The following GALNT14 variants were observed in gnomAD, a reference collection of about 807,000 sequenced individuals.
GALNT14 encodes polypeptide N-acetylgalactosaminyltransferase 14.
A neutral mutation model predicts 77.5 loss-of-function variants in GALNT14; 60 were observed. The ratio of observed to expected loss-of-function variants is 0.77; its 90% CI spans 0.63 to 0.96. GALNT14 has a LOEUF of 0.96. Ranked by LOEUF, GALNT14 falls within the 40% of genes least tolerant of loss-of-function variation. The pLI, the probability that GALNT14 is intolerant of heterozygous loss-of-function variation, is 0.00. For missense variants in GALNT14, 710 were observed against 731.0 expected, an observed-to-expected ratio of 0.97 and a Z score of 0.33; for synonymous variants, 280 against 281.7, an observed-to-expected ratio of 0.99 and a Z score of 0.06.
At chr2:30,971,975 G>A (rs1346931722) in intron 2 of GALNT14, among the ~76,000 whole-genome samples, 2 of 152,222 alleles carry the variant, frequency 1.3e-5, no homozygotes, top group Non-Finnish European at 2.9e-5. Flanking sequence ...CAGTGCTTCC[G>A]TGGCTTGTCT....
At chr2:31,137,492 C>T (rs900403895) in intron 1 of GALNT14, among the ~76,000 whole-genome samples, 4 of 152,176 alleles carry the variant, frequency 2.6e-5, no homozygotes, top group African/African-American at 7.2e-5. Context: ...CCGCAACGCA[C>T]AGGCGCGCGC....
At chr2:30,893,992 T>A in the GALNT14 span, among the ~76,000 whole-genome samples, 4 of 152,164 alleles carry the variant, frequency 2.6e-5, no homozygotes, top group Admixed American at 2.6e-4. Context: ...CTCATGTTTT[T>A]TAAATTAGAT....
rs1211591708 is a variant in GALNT14 at position 31,137,940 on chromosome 2, C to T, written c.129+18G>A. Reference sequence around the variant, plus strand: ...CGCAAGCCACCGCTCAGCGCCAGCGCGCCGGCAAGCCGCCTACCTTAGGGG... The same window carrying T: ...CGCAAGCCACCGCTCAGCGCCAGCGTGCCGGCAAGCCGCCTACCTTAGGGG... On this transcript the variant is annotated intron_variant, in intron 1 of 14. Coordinates refer to ENST00000349752, the MANE Select transcript of GALNT14 (RefSeq NM_024572.4). 2.5e-6 allele frequency: 4 copies of T among 1,602,028 alleles called. No individual in the cohort carries two copies. In the Admixed American group the frequency reaches 5.1e-5, roughly 21 times the overall value.
chr2:31,110,988 T>C (rs867455650), intron 1 of GALNT14, among the ~76,000 whole-genome samples: 5 of 152,192 alleles, frequency 3.3e-5, no homozygotes, highest in Non-Finnish European at 5.9e-5. Context: ...CTCAATCAGG[T>C]ACCCCACTTG....
chr2:30,927,675 A>G (rs750485535), intron 11 of GALNT14, among the ~76,000 whole-genome samples: 3 of 152,182 alleles, frequency 2.0e-5, no homozygotes, highest in Non-Finnish European at 4.4e-5. Context: ...AGTTGATGTC[A>G]TCTATTTCAT....
chr2:31,022,345 G>A (rs1573180977), intron 1 of GALNT14, among the ~76,000 whole-genome samples: 1 of 152,326 alleles, frequency 6.6e-6, no homozygotes, highest in African/African-American at 2.4e-5. Context: ...GGGGATGGTG[G>A]GATGCTGGGC....
chr2:31,010,308 C>T (rs996212069), intron 1 of GALNT14, among the ~76,000 whole-genome samples: 9 of 152,212 alleles, frequency 5.9e-5, no homozygotes, highest in Non-Finnish European at 8.8e-5. Flanking sequence ...TTCTTAAAAA[C>T]GACATCTGTG....
chr2:31,014,028 A>G (rs143861225), intron 1 of GALNT14, among the ~76,000 whole-genome samples: 55 of 152,368 alleles, frequency 3.6e-4, no homozygotes, highest in Non-Finnish European at 6.2e-4. Context: ...CTCAAGACCT[A>G]TGCTCTGACA....
At chr2:31,088,111 G>C (rs1278570039) in intron 1 of GALNT14, among the ~76,000 whole-genome samples, 1 of 152,190 alleles carries the variant, frequency 6.6e-6, no homozygotes, top group African/African-American at 2.4e-5. Context: ...ATGGTATTCT[G>C]TTATAGCAGC....
chr2:31,112,599 A>G (rs1677898994), intron 1 of GALNT14, among the ~76,000 whole-genome samples: 1 of 152,216 alleles, frequency 6.6e-6, no homozygotes, highest in Non-Finnish European at 1.5e-5. Flanking sequence ...GTCATATTCC[A>G]GTCCTTCTCA....
At chr2:31,083,958 G>A (rs906037714) in intron 1 of GALNT14, among the ~76,000 whole-genome samples, 4 of 152,158 alleles carry the variant, frequency 2.6e-5, no homozygotes, top group South Asian at 2.1e-4. Flanking sequence ...CGGGGATCTC[G>A]CGGTTTTCTC....
chr2:30,895,153 A>G, the GALNT14 span, among the ~76,000 whole-genome samples: 1 of 152,236 alleles, frequency 6.6e-6, no homozygotes, highest in Non-Finnish European at 1.5e-5. Context: ...GAGCAGCTGC[A>G]TCTTGAAGAC....
At chr2:31,075,121 G>T (rs1055628044) in intron 1 of GALNT14, among the ~76,000 whole-genome samples, 3 of 152,210 alleles carry the variant, frequency 2.0e-5, no homozygotes, top group Non-Finnish European at 2.9e-5. Flanking sequence ...AGATCTGGTT[G>T]TTTAAAAGAG....
rs190245749 is a variant in GALNT14 at position 31,116,726 on chromosome 2, T to G, written c.129+21232A>C. On this transcript the variant is annotated intron_variant, in intron 1 of 14. Coordinates refer to ENST00000349752, the MANE Select transcript of GALNT14 (RefSeq NM_024572.4). ...AGAATATTTATCTAATACATATATA[T>G]AGAGAGAACTATATAACCATCAAAT... Among the ~76,000 whole-genome samples the G allele has an allele frequency of 1.8e-3, 274 of 152,206 alleles. 1 individual carries two copies. Among genetic ancestry groups the G allele is most frequent in the Middle Eastern group, 6.8e-3 (2 of 294 alleles).
At chr2:31,053,420 C>T (rs1674014706) in intron 1 of GALNT14, among the ~76,000 whole-genome samples, 1 of 152,148 alleles carries the variant, frequency 6.6e-6, no homozygotes, top group African/African-American at 2.4e-5. Context: ...AAGTGGGACT[C>T]TTCTCAAACC....
intron 13 of GALNT14, among the ~76,000 whole-genome samples, chr2:30,920,142 C>A (rs1394703975): frequency 6.6e-6 from 1 of 152,200 alleles, no homozygotes; most frequent in Admixed American, 6.5e-5. Context: ...CCAGCCCTGA[C>A]TCTCCAGCAT....
intron 1 of GALNT14, among the ~76,000 whole-genome samples, chr2:31,026,720 C>T (rs968593804): frequency 1.3e-5 from 2 of 152,240 alleles, no homozygotes; most frequent in African/African-American, 4.8e-5. Context: ...AGTTTCCCCA[C>T]TGACCTGGGT....
chr2:31,027,643 A>C lies in GALNT14; in HGVS notation c.130-34636T>G, dbSNP rs550771834. 7.9e-5 allele frequency among the ~76,000 whole-genome samples: 12 copies of C among 152,284 alleles called. No homozygotes were observed. In the South Asian group the frequency reaches 2.5e-3, roughly 32 times the overall value. On this transcript the variant is annotated intron_variant, in intron 1 of 14. Coordinates refer to ENST00000349752, the MANE Select transcript of GALNT14 (RefSeq NM_024572.4). ...CAGGGGAGTGATATTAGCATGTCCC[A>C]AGAATTCCTTTCAGGATTAGTACAT...
intron 1 of GALNT14, among the ~76,000 whole-genome samples, chr2:30,998,797 C>G (rs1228424578): frequency 5.3e-5 from 8 of 152,200 alleles, no homozygotes. Context: ...ATGTTCTTTG[C>G]CATTAGGCAG....
Sources: allele counts gnomAD v4.1 joint callset (sites outside exome capture counted in the v4.1 genomes callset), GRCh38; gene constraint gnomAD v4.1.1; transcripts MANE v1.5; gene names NCBI Gene and HGNC (gene_info 2026-07-23, HGNC 2026-07-21).